Variants in NMBR observed in about 807,000 individuals in gnomAD.
NMBR encodes neuromedin-B receptor.
NMBR carries 16 observed loss-of-function variants against 20.5 expected under a neutral mutation model. The observed-to-expected ratio is 0.78, with a 90% CI of 0.53 to 1.19. The LOEUF is 1.19. NMBR is among the 50% of genes most tolerant of loss of function. The pLI is 0.00. For synonymous variants in NMBR, 212 were observed against 196.6 expected, an observed-to-expected ratio of 1.08 and a Z score of -0.65; for missense variants, 582 against 499.1, an observed-to-expected ratio of 1.17 and a Z score of -1.58.
At chr6:142,098,180 A>T (rs1036689647) in intron 1 of NMBR, among the ~76,000 whole-genome samples, 1 of 152,144 alleles carries the variant, frequency 6.6e-6, no homozygotes, top group Non-Finnish European at 1.5e-5. Flanking sequence ...AACCCTTCAC[A>T]TCCAAGAGGC....
intron 1 of NMBR, among the ~76,000 whole-genome samples, chr6:142,108,211 C>T (rs1777693757): frequency 6.6e-6 from 1 of 152,008 alleles, no homozygotes; most frequent in Admixed American, 6.6e-5. Flanking sequence ...GACTTAAAAC[C>T]ATCTATACAT....
At chr6:142,118,195 G>T (rs1180778220) in intron 1 of NMBR, among the ~76,000 whole-genome samples, 1 of 151,820 alleles carries the variant, frequency 6.6e-6, no homozygotes, top group Non-Finnish European at 1.5e-5. Flanking sequence ...TAACTCCTTT[G>T]GTATTAAAGT....
intron 1 of NMBR, among the ~76,000 whole-genome samples, chr6:142,110,580 G>A (rs1282012733): frequency 6.6e-6 from 1 of 152,166 alleles, no homozygotes; most frequent in Non-Finnish European, 1.5e-5. Flanking sequence ...TAGGACTAGG[G>A]GAGTTGGGGG....
At chr6:142,112,251 A>G (rs1204431625) in intron 1 of NMBR, among the ~76,000 whole-genome samples, 1 of 152,216 alleles carries the variant, frequency 6.6e-6, no homozygotes, top group Non-Finnish European at 1.5e-5. Flanking sequence ...CTAATTTCTA[A>G]GCAATTAGTA....
At chr6:142,121,651 A>T (rs1005853559) in intron 1 of NMBR, among the ~76,000 whole-genome samples, 2 of 151,762 alleles carry the variant, frequency 1.3e-5, no homozygotes, top group African/African-American at 4.8e-5. Context: ...CCCTAGTCTC[A>T]AGATGTAACC....
intron 1 of NMBR, among the ~76,000 whole-genome samples, chr6:142,113,960 C>G (rs938562360): frequency 6.6e-6 from 1 of 152,058 alleles, no homozygotes; most frequent in African/African-American, 2.4e-5. Flanking sequence ...TAATGTGTAA[C>G]AGAAATCATC....
intron 1 of NMBR, among the ~76,000 whole-genome samples, chr6:142,107,646 T>C (rs1232400915): frequency 6.6e-6 from 1 of 152,190 alleles, no homozygotes; most frequent in Non-Finnish European, 1.5e-5. Flanking sequence ...TTCTAAAATG[T>C]CTAGTTTTCA....
intron 2 of NMBR, among the ~76,000 whole-genome samples, chr6:142,085,952 T>A (rs746671810): frequency 6.6e-6 from 1 of 152,154 alleles, no homozygotes; most frequent in Non-Finnish European, 1.5e-5. Flanking sequence ...AAGGTGCTTC[T>A]TTTATTTTGC....
At chr6:142,136,275 T>C (rs1324118033) in intron 1 of NMBR, among the ~76,000 whole-genome samples, 2 of 152,232 alleles carry the variant, frequency 1.3e-5, no homozygotes, top group Admixed American at 6.5e-5. Context: ...CAAGTGTCTT[T>C]TGGCTGCATA....
intron 1 of NMBR, among the ~76,000 whole-genome samples, chr6:142,126,219 G>A (rs1778034109): frequency 6.7e-6 from 1 of 149,642 alleles, no homozygotes; most frequent in South Asian, 2.1e-4. Context: ...CAAATGGCAG[G>A]ATTTTCCTCC....
At chr6:142,112,988 C>T (rs1050255814) in intron 1 of NMBR, among the ~76,000 whole-genome samples, 2 of 151,910 alleles carry the variant, frequency 1.3e-5, no homozygotes. Context: ...TGTGAAAAAT[C>T]CTTGGGAACC....
At chr6:142,108,358 C>A (rs2114587150) in intron 1 of NMBR, among the ~76,000 whole-genome samples, 2 of 152,098 alleles carry the variant, frequency 1.3e-5, no homozygotes, top group African/African-American at 4.8e-5. Flanking sequence ...TAAAAGGAAA[C>A]ACCAGTAAGG....
chr6:142,141,643 T>A (rs1778363590), intron 1 of NMBR, among the ~76,000 whole-genome samples: 1 of 151,506 alleles, frequency 6.6e-6, no homozygotes, highest in Non-Finnish European at 1.5e-5. Context: ...TAGCTGGGAT[T>A]ACAGGCACCC....
intron 1 of NMBR, among the ~76,000 whole-genome samples, chr6:142,101,260 A>T (rs1036211612): frequency 2.0e-5 from 3 of 152,222 alleles, no homozygotes; most frequent in African/African-American, 7.2e-5. Flanking sequence ...ACTTCTATTC[A>T]GGTGATAGTT....
chr6:142,101,145 T>C (rs891721022), intron 1 of NMBR, among the ~76,000 whole-genome samples: 1 of 152,114 alleles, frequency 6.6e-6, no homozygotes, highest in Non-Finnish European at 1.5e-5. Context: ...ACCAGATTGG[T>C]TATAGATCAG....
chr6:142,136,169 C>T (rs1778250783), intron 1 of NMBR, among the ~76,000 whole-genome samples: 2 of 152,168 alleles, frequency 1.3e-5, no homozygotes, highest in Admixed American at 1.3e-4. Context: ...TGTTTCCTGA[C>T]TTTTTAATGA....
At chr6:142,129,148 C>A (rs1778095414) in intron 1 of NMBR, among the ~76,000 whole-genome samples, 1 of 151,688 alleles carries the variant, frequency 6.6e-6, no homozygotes, top group African/African-American at 2.4e-5. Context: ...TGCTTTTAAT[C>A]TCAGAAAGAA....
intron 1 of NMBR, among the ~76,000 whole-genome samples, chr6:142,109,537 T>C (rs1344742709): frequency 7.0e-6 from 1 of 142,466 alleles, no homozygotes; most frequent in Non-Finnish European, 1.5e-5. Flanking sequence ...AGGAGTGCAG[T>C]GGCACGATCT....
chr6:142,075,724 T>A lies in NMBR; in HGVS notation c.1097A>T (p.Lys366Ile). 6.2e-7 allele frequency: 1 copy of A among 1,614,074 alleles called. No homozygotes were observed. The highest frequency in any genetic ancestry group is 8.5e-7 in the Non-Finnish European group (1 of 1,179,930). Residue 366 changes from lysine (K) to isoleucine (I), a missense_variant, in exon 4 of 4, where the codon AAA (lysine) becomes ATA (isoleucine). By Grantham distance (102) the Lys-to-Ile change is moderately radical (BLOSUM62 -3). Transcript: ENST00000258042. ...SSSAVRMTSL[K>I]SNAKNMVTNS... The stretch of plus-strand genomic sequence containing the variant: ...GGTCACCATGTTCTTAGCATTGCTT[T>A]TCAGAGATGTCATACGCACCGCTGA...
Sources: gnomAD v4.1 joint callset for allele counts (sites outside exome capture counted in the v4.1 genomes callset) on GRCh38, gnomAD v4.1.1 for gene constraint, MANE v1.5 for transcripts, NCBI Gene and HGNC (gene_info 2026-07-23, HGNC 2026-07-21) for gene names.